Variants in EGFR observed in about 807,000 individuals in gnomAD.
The protein encoded by EGFR is avian erythroblastic leukemia viral (v-erb-b) oncogene homolog.
A neutral mutation model predicts 143.0 loss-of-function variants in EGFR; 58 were observed. The ratio of observed to expected loss-of-function variants is 0.41; its 90% CI spans 0.33 to 0.50. EGFR has a LOEUF of 0.50. EGFR is among the 20% of genes least tolerant of loss of function. The pLI, the probability that EGFR is intolerant of heterozygous loss-of-function variation, is 0.39. For missense variants in EGFR, 1,307 were observed against 1,579.0 expected, an observed-to-expected ratio of 0.83 and a Z score of 2.92; for synonymous variants, 613 against 594.4, an observed-to-expected ratio of 1.03 and a Z score of -0.45.
chr7:55,201,369 G>GTC lies in EGFR; in HGVS notation c.3114+29_3114+30dup, dbSNP rs753534663. 9.5e-5 allele frequency: 152 copies of GTC among 1,605,198 alleles called. No homozygotes were observed. The highest frequency in any genetic ancestry group is 4.5e-4 in the East Asian group (20 of 44,522). ...CTGAGCTCTCTGGTATGAAATCTCT[G>GTC]TCTCTCTCTCTCTCTCAAGCTGTGT... is the stretch of plus-strand genomic sequence containing the variant. On this transcript the variant is annotated intron_variant, in intron 25 of 27. Coordinates refer to ENST00000275493, the MANE Select transcript of EGFR (RefSeq NM_005228.5).
At chr7:55,177,758 A>G (rs1260953458) in intron 19 of EGFR, among the ~76,000 whole-genome samples, 1 of 152,234 alleles carries the variant, frequency 6.6e-6, no homozygotes, top group African/African-American at 2.4e-5. Flanking sequence ...GCTAGGAGCC[A>G]TGGGGGCTCC....
At chr7:55,129,448 T>C (rs974779709) in intron 1 of EGFR, among the ~76,000 whole-genome samples, 13 of 152,190 alleles carry the variant, frequency 8.5e-5, no homozygotes, top group African/African-American at 2.2e-4. Context: ...AAGGAACAAT[T>C]ATGTGATAGG....
chr7:55,073,462 G>A (rs1789950889), intron 1 of EGFR, among the ~76,000 whole-genome samples: 2 of 152,192 alleles, frequency 1.3e-5, no homozygotes, highest in African/African-American at 4.8e-5. Context: ...TTTTCTCAGT[G>A]TGTACATCCC....
intron 1 of EGFR, among the ~76,000 whole-genome samples, chr7:55,085,051 C>CA (rs1790675127): frequency 6.6e-6 from 1 of 152,320 alleles, no homozygotes; most frequent in East Asian, 1.9e-4. Context: ...AATTCTCCTT[C>CA]CCTTCCCCAG....
At chr7:55,031,417 G>A (rs533741582) in intron 1 of EGFR, among the ~76,000 whole-genome samples, 1 of 152,208 alleles carries the variant, frequency 6.6e-6, no homozygotes, top group Non-Finnish European at 1.5e-5. Context: ...TGATGAAGTG[G>A]GACAACATGA....
chr7:55,128,727 A>G lies in EGFR; in HGVS notation c.89-13559A>G, dbSNP rs1315703181. On this transcript the variant is annotated intron_variant, in intron 1 of 27. Transcript: ENST00000275493. ...AATCAGAAAATGGGTTTTCTACAAG[A>G]TTCTATATCTGTAGTCAATAGCAAA... Among the ~76,000 whole-genome samples the G allele has an allele frequency of 2.0e-5, 3 of 152,200 alleles. No individual in the cohort carries two copies. In the East Asian group the frequency reaches 5.8e-4, roughly 29 times the overall value.
At chr7:55,077,281 T>C (rs770608016) in intron 1 of EGFR, among the ~76,000 whole-genome samples, 4 of 152,134 alleles carry the variant, frequency 2.6e-5, no homozygotes, top group Non-Finnish European at 5.9e-5. Context: ...GCACAGGGCC[T>C]CAAGCACACA....
At chr7:55,127,266 G>C (rs1284456705) in intron 1 of EGFR, among the ~76,000 whole-genome samples, 4 of 152,206 alleles carry the variant, frequency 2.6e-5, no homozygotes, top group Admixed American at 2.6e-4. Flanking sequence ...AGGAAGGAGA[G>C]GAAGCTGGGA....
Position 55,181,414 on chromosome 7 carries a change from T to C in EGFR, c.2405T>C (p.Val802Ala), listed in dbSNP as rs2128958732. ...CCCTTCGGCTGCCTCCTGGACTATG[T>C]CCGGGAACACAAAGACAATATTGGC... The part of the protein sequence containing the change: ...LMPFGCLLDY[V>A]REHKDNIGSQ... The change falls in exon 20 of 28, where the codon GTC becomes GCC. Residue 802 changes from valine to alanine, a missense_variant. This residue lies in a region of EGFR where 348 missense variants were observed against 451.5 expected (regional missense o/e 0.77). Transcript: ENST00000275493. The C allele has an allele frequency of 6.2e-7, 1 of 1,614,204 alleles. No homozygotes were observed. The highest frequency in any genetic ancestry group is 8.5e-7 in the Non-Finnish European group (1 of 1,180,034).
At chr7:55,095,088 T>C (rs1293849698) in intron 1 of EGFR, among the ~76,000 whole-genome samples, 1 of 152,170 alleles carries the variant, frequency 6.6e-6, no homozygotes, top group Non-Finnish European at 1.5e-5. Context: ...CAGAGGTGGA[T>C]TCTCCCTGAC....
intron 17 of EGFR, 81 bp from the exon 18 acceptor site, chr7:55,173,840 C>T (rs2128953345): frequency 6.2e-7 from 1 of 1,612,082 alleles, no homozygotes; most frequent in Non-Finnish European, 8.5e-7. Flanking sequence ...GCTGGTCCCC[C>T]TGCTGGGCCA....
intron 1 of EGFR, among the ~76,000 whole-genome samples, chr7:55,028,930 C>T (rs540618687): frequency 2.4e-4 from 36 of 151,964 alleles, no homozygotes; most frequent in Non-Finnish European, 4.3e-4. Context: ...GAGGCCGAGG[C>T]GGGCGGATCA....
rs148188503 is a variant in EGFR at position 55,181,364 on chromosome 7, C to A, written c.2355C>A (p.Thr785=). 1.2e-6 allele frequency: 2 copies of A among 1,614,226 alleles called. No individual in the cohort carries two copies. The highest frequency in any genetic ancestry group is 1.7e-6 in the Non-Finnish European group (2 of 1,180,040). Residue 785 remains threonine (T), a synonymous_variant, in exon 20 of 28, where the codon ACC becomes ACA. Coordinates refer to ENST00000275493, the MANE Select transcript of EGFR (RefSeq NM_005228.5). ...CRLLGICLTS[T]VQLITQLMPF... ...TGCTGGGCATCTGCCTCACCTCCAC[C>A]GTGCAGCTCATCACGCAGCTCATGC...
chr7:55,164,504 CAAAGT>C (rs758155098), intron 14 of EGFR, among the ~76,000 whole-genome samples: 21 of 152,286 alleles, frequency 1.4e-4, no homozygotes, highest in Non-Finnish European at 2.4e-4. Flanking sequence ...TGGCTGCTTA[CAAAGT>C]AAAGACTTGG....
intron 14 of EGFR, among the ~76,000 whole-genome samples, chr7:55,164,234 C>A (rs2128945210): frequency 6.6e-6 from 1 of 152,244 alleles, no homozygotes; most frequent in South Asian, 2.1e-4. Flanking sequence ...AACTGCACAA[C>A]TTTGTATCTA....
Position 55,103,641 on chromosome 7 carries a change from A to G in EGFR, c.89-38645A>G, listed in dbSNP as rs6975226. On this transcript the variant is annotated intron_variant, in intron 1 of 27. Transcript: ENST00000275493. ...CCTGTGGGTGGTGGTAGTTAAATCT[A>G]ACCAAAGAATGATGTCGTGGGTGTT... 7.2e-3 allele frequency among the ~76,000 whole-genome samples: 1,097 copies of G among 152,342 alleles called. 17 individuals are homozygous for G. Among genetic ancestry groups the G allele is most frequent in the African/African-American group, 0.025 (1,031 of 41,566 alleles).
At chr7:55,173,233 A>G in intron 17 of EGFR, 109 bp downstream of exon 17, 2 of 1,461,352 alleles carry the variant, frequency 1.4e-6, no homozygotes, top group Non-Finnish European at 9.3e-7. Context: ...ACATAATTGT[A>G]TTATGATGCA....
At chr7:55,087,765 G>T (rs181693196) in intron 1 of EGFR, among the ~76,000 whole-genome samples, 5 of 152,274 alleles carry the variant, frequency 3.3e-5, no homozygotes, top group African/African-American at 1.2e-4. Flanking sequence ...ATGTGGAAAG[G>T]ACTGACCAAC....
At chr7:55,054,054 G>C (rs1309483643) in intron 1 of EGFR, among the ~76,000 whole-genome samples, 2 of 150,494 alleles carry the variant, frequency 1.3e-5, no homozygotes, top group Non-Finnish European at 3.0e-5. Flanking sequence ...CAATGGCTGA[G>C]CGTGGTAGAT....
Sources: gnomAD v4.1 joint callset for allele counts (sites outside exome capture counted in the v4.1 genomes callset) on GRCh38, gnomAD v4.1.1 for gene constraint, gnomAD v4.1.1 regional missense constraint, MANE v1.5 for transcripts, NCBI Gene and HGNC (gene_info 2026-07-23, HGNC 2026-07-21) for gene names.